The following TMIGD3 variants were observed in gnomAD, a reference collection of about 807,000 sequenced individuals.
The protein encoded by TMIGD3 is transmembrane and immunoglobulin domain containing 3.
In TMIGD3, 21 loss-of-function variants were observed where a neutral mutation model predicts 28.1. That is an observed-to-expected ratio of 0.75 (90% CI 0.53 to 1.08). The LOEUF (loss-of-function observed/expected upper bound fraction) is 1.08, where lower values mean the gene tolerates loss of function less well. TMIGD3 is among the 50% of genes least tolerant of loss of function. The pLI is 0.00. For synonymous variants in TMIGD3, 151 were observed against 162.1 expected, an observed-to-expected ratio of 0.93 and a Z score of 0.52; for missense variants, 416 against 435.6, an observed-to-expected ratio of 0.96 and a Z score of 0.40.
chr1:111,553,718 C>G (rs544924876), intron 1 of TMIGD3, among the ~76,000 whole-genome samples: 1 of 152,294 alleles, frequency 6.6e-6, no homozygotes, highest in Non-Finnish European at 1.5e-5. Context: ...ATGTTCCTTT[C>G]TACCTCTGAC....
chr1:111,555,105 C>T (rs1657428646), intron 1 of TMIGD3, among the ~76,000 whole-genome samples: 1 of 151,956 alleles, frequency 6.6e-6, no homozygotes, highest in Admixed American at 6.6e-5. Flanking sequence ...GTGACTCACA[C>T]CTGTAATTCC....
At chr1:111,499,177 C>T in intron 1 of TMIGD3, among the ~76,000 whole-genome samples, 1 of 151,646 alleles carries the variant, frequency 6.6e-6, no homozygotes, top group East Asian at 1.9e-4. Flanking sequence ...TTTTGCCCTA[C>T]CCCCACTACT....
At chr1:111,557,596 A>C (rs1306163794) in intron 1 of TMIGD3, among the ~76,000 whole-genome samples, 2 of 152,066 alleles carry the variant, frequency 1.3e-5, no homozygotes, top group African/African-American at 2.4e-5. Context: ...AAAATTTTGG[A>C]TAATTAAAAA....
intron 1 of TMIGD3, among the ~76,000 whole-genome samples, chr1:111,525,413 T>A (rs1038043957): frequency 2.6e-5 from 4 of 152,268 alleles, no homozygotes; most frequent in Admixed American, 6.5e-5. Context: ...TTTATTGCTA[T>A]GAAATTACTC....
chr1:111,503,852 G>A (rs776125069), upstream of TMIGD3: 7 of 996,550 alleles, frequency 7.0e-6, no homozygotes, highest in Non-Finnish European at 8.4e-6. Flanking sequence ...GAAGGCTCGA[G>A]ACAAGATTGG....
At chr1:111,502,737 A>C (rs1278858565) in intron 1 of TMIGD3, among the ~76,000 whole-genome samples, 2 of 151,678 alleles carry the variant, frequency 1.3e-5, no homozygotes, top group Non-Finnish European at 2.9e-5. Context: ...ATTTTTAGCC[A>C]AGGATTAGTA....
At chr1:111,543,669 G>A (rs1014193689) in intron 1 of TMIGD3, among the ~76,000 whole-genome samples, 4 of 151,292 alleles carry the variant, frequency 2.6e-5, no homozygotes, top group African/African-American at 9.7e-5. Context: ...GGAAGAAGAG[G>A]AGGAAAAAGG....
At chr1:111,527,299 A>G (rs544357731) in intron 1 of TMIGD3, among the ~76,000 whole-genome samples, 1 of 152,186 alleles carries the variant, frequency 6.6e-6, no homozygotes, top group East Asian at 1.9e-4. Flanking sequence ...GGCGTGAGCC[A>G]CCGCGCCTGA....
At chr1:111,504,566 G>A (rs200816302), upstream of TMIGD3, among the ~76,000 whole-genome samples, 28 of 152,346 alleles carry the variant, frequency 1.8e-4, no homozygotes, top group East Asian at 3.7e-3. Context: ...TTAACCAGGC[G>A]TGTTAGAGAG....
intron 1 of TMIGD3, among the ~76,000 whole-genome samples, chr1:111,532,423 G>A (rs535816450): frequency 3.9e-5 from 6 of 152,240 alleles, no homozygotes; most frequent in East Asian, 3.9e-4. Context: ...ATTTGCACTC[G>A]CCAGAAGTAT....
chr1:111,527,894 A>T (rs186325582), intron 1 of TMIGD3, among the ~76,000 whole-genome samples: 2,283 of 147,148 alleles, frequency 0.016, 61 homozygotes, highest in African/African-American at 0.055. Context: ...TATATTTTGG[A>T]TAACAGTCTC....
At chr1:111,537,132 G>A (rs2101019916) in intron 1 of TMIGD3, among the ~76,000 whole-genome samples, 1 of 152,274 alleles carries the variant, frequency 6.6e-6, no homozygotes, top group Admixed American at 6.5e-5. Context: ...CATCCTTCAA[G>A]GCCTAGAGTC....
intron 1 of TMIGD3, chr1:111,542,348 C>A: frequency 2.6e-6 from 1 of 388,530 alleles, no homozygotes; most frequent in South Asian, 2.0e-5. Flanking sequence ...GCTCCTTCCA[C>A]GTGGGTGAAG....
At chr1:111,552,570 T>C (rs1302453743) in intron 1 of TMIGD3, among the ~76,000 whole-genome samples, 1 of 152,194 alleles carries the variant, frequency 6.6e-6, no homozygotes, top group Non-Finnish European at 1.5e-5. Flanking sequence ...TTTTATCCAC[T>C]ATATCCAGAA....
chr1:111,512,833 G>A (rs922763770), intron 1 of TMIGD3, among the ~76,000 whole-genome samples: 2 of 152,232 alleles, frequency 1.3e-5, no homozygotes, highest in Admixed American at 6.5e-5. Context: ...CTGTGTTTCT[G>A]AAGGGCTGAT....
upstream of TMIGD3, among the ~76,000 whole-genome samples, chr1:111,507,376 G>A (rs1232803957): frequency 6.6e-6 from 1 of 152,190 alleles, no homozygotes; most frequent in Non-Finnish European, 1.5e-5. Flanking sequence ...GACTGGAGGG[G>A]AAAGGCCTCA....
At chr1:111,549,026 A>G (rs1252197243) in intron 1 of TMIGD3, among the ~76,000 whole-genome samples, 1 of 152,224 alleles carries the variant, frequency 6.6e-6, no homozygotes, top group Non-Finnish European at 1.5e-5. Flanking sequence ...TTTTCCATGA[A>G]CTTTTGAAGA....
intron 1 of TMIGD3, among the ~76,000 whole-genome samples, chr1:111,498,247 A>G (rs1365906807): frequency 6.6e-6 from 1 of 152,204 alleles, no homozygotes; most frequent in African/African-American, 2.4e-5. Flanking sequence ...ACCCACTTTG[A>G]TGTTGTTTAA....
At chr1:111,549,681 C>T (rs1348902292) in intron 1 of TMIGD3, among the ~76,000 whole-genome samples, 2 of 151,526 alleles carry the variant, frequency 1.3e-5, no homozygotes, top group Non-Finnish European at 2.9e-5. Context: ...AGATCTCTCT[C>T]TCTGTCACCC....
Sources: allele counts gnomAD v4.1 joint callset (sites outside exome capture counted in the v4.1 genomes callset), GRCh38; gene constraint gnomAD v4.1.1; transcripts MANE v1.5; gene names NCBI Gene and HGNC (gene_info 2026-07-23, HGNC 2026-07-21).